The following ZNF385D variants were observed in gnomAD, a reference collection of about 807,000 sequenced individuals.
ZNF385D encodes the protein zinc finger protein 659.
Under a neutral mutation model 35.8 loss-of-function variants are expected in ZNF385D, and 15 were observed. The observed-to-expected ratio is 0.42, with a 90% confidence interval of 0.28 to 0.64. The LOEUF (loss-of-function observed/expected upper bound fraction) is 0.64. ZNF385D is among the 30% of genes least tolerant of loss of function. ZNF385D has a pLI of 0.23. For missense variants in ZNF385D, 474 were observed against 494.6 expected (o/e 0.96, Z 0.39); for synonymous variants, 212 against 186.8 (o/e 1.13, Z -1.10).
At chr3:22,214,248 C>A (rs914255111) in intron 2 of ZNF385D, among the ~76,000 whole-genome samples, 2 of 151,996 alleles carry the variant, frequency 1.3e-5, no homozygotes, top group Non-Finnish European at 2.9e-5. Flanking sequence ...TAATCAATAC[C>A]CTTGTGATTT....
At chr3:21,444,079 TC>T (rs1467366035) in intron 4 of ZNF385D, among the ~76,000 whole-genome samples, 1 of 134,920 alleles carries the variant, frequency 7.4e-6, no homozygotes, top group African/African-American at 3.2e-5. Flanking sequence ...TGGATTTCCC[TC>T]TTTTTTTTTT....
intron 2 of ZNF385D, among the ~76,000 whole-genome samples, chr3:21,598,593 G>T (rs2064191409): frequency 6.6e-6 from 1 of 152,094 alleles, no homozygotes; most frequent in Non-Finnish European, 1.5e-5. Context: ...AAAGGCTAGA[G>T]TCTCAAAAAA....
chr3:21,678,897 C>T (rs1182980022), intron 1 of ZNF385D, among the ~76,000 whole-genome samples: 2 of 151,994 alleles, frequency 1.3e-5, no homozygotes, highest in African/African-American at 2.4e-5. Flanking sequence ...GTTTAATGTC[C>T]TCCTTATAAG....
At chr3:22,155,778 A>G (rs1424798633) in intron 3 of ZNF385D, among the ~76,000 whole-genome samples, 1 of 152,152 alleles carries the variant, frequency 6.6e-6, no homozygotes, top group Non-Finnish European at 1.5e-5. Context: ...TCTTCATTAA[A>G]AAACAATGGA....
chr3:22,063,673 G>A lies in ZNF385D; in HGVS notation c.325+105144C>T, dbSNP rs138344126. On this transcript the variant is annotated intron_variant, in intron 3 of 5. Coordinates refer to the ZNF385D transcript ENST00000494108. ...ATGCCCCAGCTGCTAGGCATGCTGCGTGCTGATAGCCCTCAGCTCTCTGTC... is the reference window on the plus strand; with the variant it reads ...ATGCCCCAGCTGCTAGGCATGCTGCATGCTGATAGCCCTCAGCTCTCTGTC... Among the ~76,000 whole-genome samples, 439 of 152,258 alleles carry A rather than the reference G, an allele frequency of 2.9e-3. 1 individual carries two copies. Among genetic ancestry groups the A allele is most frequent in the African/African-American group, 9.3e-3 (388 of 41,556 alleles).
chr3:21,471,057 G>A (rs1388781821), intron 4 of ZNF385D, among the ~76,000 whole-genome samples: 1 of 152,032 alleles, frequency 6.6e-6, no homozygotes, highest in African/African-American at 2.4e-5. Context: ...GTTAGATGAT[G>A]GGTCTCATGT....
intron 2 of ZNF385D, among the ~76,000 whole-genome samples, chr3:22,238,541 T>C (rs1367247753): frequency 6.6e-6 from 1 of 151,084 alleles, no homozygotes; most frequent in Non-Finnish European, 1.5e-5. Context: ...TTTTGTTTAA[T>C]ATTATTCTTT....
intron 3 of ZNF385D, among the ~76,000 whole-genome samples, chr3:21,885,740 CTGTGTGTGTG>C (rs3074769): frequency 9.9e-6 from 1 of 101,194 alleles, no homozygotes; most frequent in Non-Finnish European, 2.0e-5. Context: ...GTGTCTGTGT[CTGTGTGTGTG>C]TGTGTGTGTG....
chr3:22,281,358 T>C (rs1299027617), intron 2 of ZNF385D, among the ~76,000 whole-genome samples: 1 of 152,132 alleles, frequency 6.6e-6, no homozygotes, highest in Non-Finnish European at 1.5e-5. Context: ...CTCAGTATAA[T>C]GTGGGCTATG....
chr3:22,219,144 T>C (rs1698083730), intron 2 of ZNF385D, among the ~76,000 whole-genome samples: 1 of 152,188 alleles, frequency 6.6e-6, no homozygotes, highest in Non-Finnish European at 1.5e-5. Context: ...GACAGATTTA[T>C]ATTTCTGTTT....
At chr3:22,289,243 G>C (rs1310405059) in intron 2 of ZNF385D, among the ~76,000 whole-genome samples, 1 of 152,042 alleles carries the variant, frequency 6.6e-6, no homozygotes, top group African/African-American at 2.4e-5. Flanking sequence ...TGTTTTCTGT[G>C]ATATAGGGAG....
chr3:21,553,129 T>A (rs778357011), intron 3 of ZNF385D, among the ~76,000 whole-genome samples: 3 of 152,170 alleles, frequency 2.0e-5, no homozygotes, highest in Non-Finnish European at 4.4e-5. Flanking sequence ...GATTCTCCCC[T>A]GGAACCTGCA....
At position 21,729,548 on chromosome 3, in the gene ZNF385D, G is replaced by C. The variant is rs527434165; in HGVS notation, c.22+21347C>G. Among the ~76,000 whole-genome samples the C allele has an allele frequency of 3.9e-5, 6 of 152,202 alleles. No homozygotes were observed. In the South Asian group the frequency reaches 1.0e-3, roughly 26 times the overall value. On this transcript the variant is annotated intron_variant, in intron 1 of 7. Coordinates refer to ENST00000281523, the MANE Select transcript of ZNF385D (RefSeq NM_024697.3). Reference sequence around the variant, plus strand: ...AATTGAGGTTTCTCTCTCCCCACAAGGTACTTTAAAGATAAGGTTTGGGCT... The same window carrying C: ...AATTGAGGTTTCTCTCTCCCCACAACGTACTTTAAAGATAAGGTTTGGGCT...
intron 3 of ZNF385D, among the ~76,000 whole-genome samples, chr3:21,996,506 G>A (rs901241627): frequency 1.3e-5 from 2 of 152,114 alleles, no homozygotes; most frequent in African/African-American, 4.8e-5. Context: ...AGAAATAAAT[G>A]ACGGGTGCCA....
intron 1 of ZNF385D, among the ~76,000 whole-genome samples, chr3:21,674,210 G>C (rs1360573490): frequency 6.6e-6 from 1 of 152,060 alleles, no homozygotes; most frequent in East Asian, 1.9e-4. Flanking sequence ...TAATGTCATG[G>C]AGATTTTTGG....
At chr3:21,928,960 T>C (rs1473642755) in intron 3 of ZNF385D, among the ~76,000 whole-genome samples, 1 of 152,126 alleles carries the variant, frequency 6.6e-6, no homozygotes, top group East Asian at 1.9e-4. Context: ...GGTGAGAACA[T>C]TTAACAACTC....
At position 21,529,496 on chromosome 3, in the gene ZNF385D, T is replaced by A. The variant is rs531516070; in HGVS notation, c.277-18473A>T. ...TCATCATAATTTAGAAAGATTTTTTTAAAAATTCACTTCTGCCTTTACTTT... is the reference window on the plus strand; with the variant it reads ...TCATCATAATTTAGAAAGATTTTTTAAAAAATTCACTTCTGCCTTTACTTT... On this transcript the variant is annotated intron_variant, in intron 3 of 7. Coordinates refer to ENST00000281523, the MANE Select transcript of ZNF385D (RefSeq NM_024697.3). Among the ~76,000 whole-genome samples the A allele has an allele frequency of 3.6e-4, 55 of 152,294 alleles. 1 individual carries two copies. In the South Asian group the frequency reaches 5.0e-3, roughly 14 times the overall value.
intron 3 of ZNF385D, among the ~76,000 whole-genome samples, chr3:22,004,026 G>A (rs1174342887): frequency 1.3e-5 from 2 of 151,908 alleles, no homozygotes; most frequent in Admixed American, 1.3e-4. Context: ...AACTAAAACA[G>A]TACAGTATGG....
intron 2 of ZNF385D, among the ~76,000 whole-genome samples, chr3:22,212,997 G>A (rs951988521): frequency 6.6e-6 from 1 of 151,950 alleles, no homozygotes; most frequent in Admixed American, 6.6e-5. Context: ...TTTAGAGGTG[G>A]TGAATAAGAT....
Sources: allele counts gnomAD v4.1 joint callset (sites outside exome capture counted in the v4.1 genomes callset), GRCh38; gene constraint gnomAD v4.1.1; transcripts MANE v1.5; gene names NCBI Gene and HGNC (gene_info 2026-07-23, HGNC 2026-07-21).